IMMP2L: variants seen among roughly 807,000 people sequenced by gnomAD.
The protein encoded by IMMP2L is mitochondrial inner membrane protease subunit 2.
A neutral mutation model predicts 19.3 loss-of-function variants in IMMP2L; 18 were observed. That is an observed-to-expected ratio of 0.93 (90% CI 0.64 to 1.38). The LOEUF (loss-of-function observed/expected upper bound fraction) is 1.38, where lower values mean the gene tolerates loss of function less well. Among genes scored for constraint, IMMP2L ranks in the 40% most tolerant of loss-of-function variants. The probability of loss-of-function intolerance (pLI) is 0.00; values close to 1 mark genes in which losing one functional copy is unlikely to be tolerated. For synonymous variants in IMMP2L, 76 were observed against 73.0 expected (o/e 1.04, Z -0.21); for missense variants, 233 against 218.2 (o/e 1.07, Z -0.43).
At chr7:111,107,568 A>G (rs911288785) in intron 3 of IMMP2L, among the ~76,000 whole-genome samples, 8 of 152,142 alleles carry the variant, frequency 5.3e-5, no homozygotes, top group Admixed American at 3.3e-4. Flanking sequence ...CTGTGCATGT[A>G]TAACAAGCAT....
At chr7:111,552,942 C>T (rs140914403) in intron 1 of IMMP2L, among the ~76,000 whole-genome samples, 1 of 152,268 alleles carries the variant, frequency 6.6e-6, no homozygotes, top group Non-Finnish European at 1.5e-5. Flanking sequence ...AGGAACCAAC[C>T]TGCCAACACC....
chr7:111,168,842 A>G (rs1246218670), intron 3 of IMMP2L, among the ~76,000 whole-genome samples: 1 of 151,890 alleles, frequency 6.6e-6, no homozygotes, highest in African/African-American at 2.4e-5. Context: ...CTGTTACCAA[A>G]TTAAATTGGT....
chr7:110,813,316 T>C (rs1802182428), intron 5 of IMMP2L, among the ~76,000 whole-genome samples: 1 of 152,094 alleles, frequency 6.6e-6, no homozygotes, highest in African/African-American at 2.4e-5. Context: ...TTGGTCCTTT[T>C]AACAGAAAAA....
At chr7:111,332,891 C>T (rs1387272893) in intron 3 of IMMP2L, among the ~76,000 whole-genome samples, 2 of 152,086 alleles carry the variant, frequency 1.3e-5, no homozygotes, top group South Asian at 4.1e-4. Flanking sequence ...ATGGTTAATA[C>T]TGTCAACTTG....
chr7:111,523,323 T>C (rs1456787191), intron 1 of IMMP2L, among the ~76,000 whole-genome samples: 1 of 152,132 alleles, frequency 6.6e-6, no homozygotes, highest in African/African-American at 2.4e-5. Flanking sequence ...ATGCATTTAT[T>C]AATTAGCTAG....
chr7:110,769,624 G>A (rs1426256121), intron 5 of IMMP2L, among the ~76,000 whole-genome samples: 1 of 152,114 alleles, frequency 6.6e-6, no homozygotes, highest in Non-Finnish European at 1.5e-5. Flanking sequence ...TGGCTCAACT[G>A]AGAATTATAA....
At chr7:111,029,977 G>T (rs552208293) in intron 3 of IMMP2L, among the ~76,000 whole-genome samples, 1 of 152,134 alleles carries the variant, frequency 6.6e-6, no homozygotes, top group Non-Finnish European at 1.5e-5. Context: ...GACAGTGAGA[G>T]AATCACAAAT....
At chr7:110,684,255 T>G (rs1053805848) in intron 5 of IMMP2L, among the ~76,000 whole-genome samples, 14 of 152,086 alleles carry the variant, frequency 9.2e-5, no homozygotes, top group African/African-American at 2.9e-4. Flanking sequence ...TTCCAAGCTG[T>G]TATTTCCTAA....
At chr7:111,278,988 A>T (rs540469576) in intron 3 of IMMP2L, among the ~76,000 whole-genome samples, 1 of 152,310 alleles carries the variant, frequency 6.6e-6, no homozygotes, top group African/African-American at 2.4e-5. Flanking sequence ...CATGAAAAAA[A>T]AAATTTCAAC....
At chr7:111,496,808 C>G (rs1038438340) in intron 2 of IMMP2L, among the ~76,000 whole-genome samples, 12 of 152,122 alleles carry the variant, frequency 7.9e-5, no homozygotes, top group African/African-American at 2.6e-4. Flanking sequence ...CCTGGACCTC[C>G]AGCTTGCACA....
intron 3 of IMMP2L, chr7:111,392,701 C>T: frequency 4.4e-6 from 2 of 454,374 alleles, no homozygotes; most frequent in South Asian, 3.1e-5. Flanking sequence ...ACACTTCTGT[C>T]CAACTTGGCT....
intron 5 of IMMP2L, among the ~76,000 whole-genome samples, chr7:110,804,705 G>A (rs1185552585): frequency 6.6e-6 from 1 of 152,102 alleles, no homozygotes; most frequent in Non-Finnish European, 1.5e-5. Context: ...AAGACAATCA[G>A]CTTTCCCCGG....
At chr7:111,436,139 T>C (rs1338424871) in intron 3 of IMMP2L, among the ~76,000 whole-genome samples, 1 of 151,722 alleles carries the variant, frequency 6.6e-6, no homozygotes, top group East Asian at 1.9e-4. Context: ...GGAACATATG[T>C]ACTGGGCAGT....
rs566291565 is a variant in IMMP2L, at chr7:111,190,231, C to G, written c.240-226666G>C. Among the ~76,000 whole-genome samples, 110 of 152,104 alleles carry G rather than the reference C, an allele frequency of 7.2e-4. 1 individual carries two copies. Among genetic ancestry groups the G allele is most frequent in the African/African-American group, 2.6e-3 (108 of 41,492 alleles). On this transcript the variant is annotated intron_variant, in intron 3 of 5. Coordinates refer to ENST00000405709, the MANE Select transcript of IMMP2L (RefSeq NM_032549.4). ...GCAGCATGACGGTTATTATTTTTAA[C>G]TCCTCTAAGCTTTCTAACTACTTGC...
intron 5 of IMMP2L, among the ~76,000 whole-genome samples, chr7:110,778,883 G>A (rs1215757986): frequency 6.6e-6 from 1 of 151,872 alleles, no homozygotes; most frequent in African/African-American, 2.4e-5. Context: ...ATTTTGTGGT[G>A]CAAATTCTCT....
chr7:111,035,901 T>C (rs1213007406), intron 3 of IMMP2L, among the ~76,000 whole-genome samples: 1 of 152,100 alleles, frequency 6.6e-6, no homozygotes, highest in East Asian at 1.9e-4. Context: ...TTGGGCAAGT[T>C]ACCTCCCTGT....
chr7:111,453,844 A>C (rs527758723), intron 3 of IMMP2L, among the ~76,000 whole-genome samples: 3 of 152,308 alleles, frequency 2.0e-5, no homozygotes, highest in East Asian at 3.9e-4. Flanking sequence ...ATTGCCTTAT[A>C]ATAAGCACTC....
Position 111,432,379 on chromosome 7 carries a change from G to A in IMMP2L, c.239+54859C>T, listed in dbSNP as rs544943983. Among the ~76,000 whole-genome samples, 18 of 151,878 alleles carry A rather than the reference G, an allele frequency of 1.2e-4. 1 individual carries two copies. Among genetic ancestry groups the A allele is most frequent in the African/African-American group, 4.4e-4 (18 of 41,242 alleles). ...TAGCTGGAACACCATGATCAGGTGG[G>A]ATTTATCCTAGGGAAGCAAGGATGG... On this transcript the variant is annotated intron_variant, in intron 3 of 5. Transcript: ENST00000405709.
intron 3 of IMMP2L, among the ~76,000 whole-genome samples, chr7:111,175,408 T>C (rs1438417209): frequency 6.6e-6 from 1 of 151,796 alleles, no homozygotes; most frequent in Non-Finnish European, 1.5e-5. Flanking sequence ...TAATGTAATA[T>C]GGGGGGTAGG....
Sources: allele counts gnomAD v4.1 joint callset (sites outside exome capture counted in the v4.1 genomes callset), GRCh38; gene constraint gnomAD v4.1.1; transcripts MANE v1.5; gene names NCBI Gene and HGNC (gene_info 2026-07-23, HGNC 2026-07-21).